Variants in IL1RAPL2 observed in about 807,000 individuals in gnomAD.
The protein encoded by IL1RAPL2 is interleukin 1 receptor accessory protein like 2.
IL1RAPL2 carries 3 observed loss-of-function variants against 44.1 expected under a neutral mutation model. That is an observed-to-expected ratio of 0.07 (90% CI 0.03 to 0.18). The LOEUF is 0.18. Among genes scored for constraint, IL1RAPL2 ranks in the 10% least tolerant of loss-of-function variants. The probability of loss-of-function intolerance (pLI) is 1.00; values close to 1 mark genes in which losing one functional copy is unlikely to be tolerated. For synonymous variants in IL1RAPL2, 181 were observed against 178.8 expected (o/e 1.01, Z -0.10); for missense variants, 391 against 496.4 (o/e 0.79, Z 2.02).
chrX:105,693,272 T>C (rs987661665), intron 6 of IL1RAPL2, among the ~76,000 whole-genome samples: 1 of 112,086 alleles, frequency 8.9e-6, no homozygotes, highest in Non-Finnish European at 1.9e-5. Flanking sequence ...AAATCTCATG[T>C]TGAAATGTGA....
intron 2 of IL1RAPL2, among the ~76,000 whole-genome samples, chrX:104,909,081 C>A (rs1252960172): frequency 9.0e-6 from 1 of 111,469 alleles, no homozygotes; most frequent in African/African-American, 3.3e-5. Flanking sequence ...CTTCTCGCTT[C>A]ATTTCATTCA....
At chrX:104,695,586 A>C (rs758761282) in intron 2 of IL1RAPL2, among the ~76,000 whole-genome samples, 47,639 of 108,722 alleles carry the variant, frequency 0.44, 8,696 homozygotes, top group South Asian at 0.64. Context: ...GAACCATAAC[A>C]TGAGTAGTAG....
At chrX:105,200,915 CCA>C (rs61216729) in intron 3 of IL1RAPL2, among the ~76,000 whole-genome samples, 57 of 104,064 alleles carry the variant, frequency 5.5e-4, no homozygotes, top group African/African-American at 1.1e-3. Flanking sequence ...CGTTTCACAC[CCA>C]CACACACACA....
At chrX:104,952,393 A>G (rs1925607264) in intron 2 of IL1RAPL2, among the ~76,000 whole-genome samples, 1 of 112,176 alleles carries the variant, frequency 8.9e-6, no homozygotes, top group Admixed American at 9.5e-5. Flanking sequence ...TTTATTGGGC[A>G]GTCTCTGTGT....
At chrX:105,130,290 G>T (rs922914827) in intron 2 of IL1RAPL2, among the ~76,000 whole-genome samples, 4 of 111,330 alleles carry the variant, frequency 3.6e-5, no homozygotes, top group African/African-American at 1.3e-4. Context: ...TCACTCAAGA[G>T]ATTTGGATTC....
chrX:105,000,668 G>T (rs1231393903), intron 2 of IL1RAPL2, among the ~76,000 whole-genome samples: 1 of 111,470 alleles, frequency 9.0e-6, no homozygotes, highest in Non-Finnish European at 1.9e-5. Flanking sequence ...AATTAGTAAA[G>T]GTTTTAAAAC....
In IL1RAPL2 at chrX:105,690,733, T is replaced by G. The variant is rs1213965176; in HGVS notation, c.773-26634T>G. Among the ~76,000 whole-genome samples, 6 of 112,189 alleles carry G rather than the reference T, an allele frequency of 5.3e-5. No individual in the cohort carries two copies. In the South Asian group the frequency reaches 1.8e-3, roughly 35 times the overall value. ...AGGAATATTCTAATTACATAAGAAT[T>G]TAACCATCTCTATAAGCGAATCCTC... On this transcript the variant is annotated intron_variant, in intron 6 of 10. Transcript: ENST00000372582.
chrX:104,690,999 CA>C (rs1931082917), intron 2 of IL1RAPL2, among the ~76,000 whole-genome samples: 1 of 111,437 alleles, frequency 9.0e-6, no homozygotes, highest in East Asian at 2.8e-4. Flanking sequence ...GGTTAATGTC[CA>C]GGGGTAGAGC....
intron 6 of IL1RAPL2, among the ~76,000 whole-genome samples, chrX:105,487,107 A>C (rs971916762): frequency 9.2e-6 from 1 of 109,209 alleles, no homozygotes; most frequent in Non-Finnish European, 1.9e-5. Context: ...AAAAAAAAAA[A>C]AAAAATAGTA....
chrX:105,681,295 C>CTTT (rs2037923241), intron 6 of IL1RAPL2, among the ~76,000 whole-genome samples: 1 of 111,212 alleles, frequency 9.0e-6, no homozygotes, highest in African/African-American at 3.3e-5. Flanking sequence ...ATCAGAAAGA[C>CTTT]CTTGCTTCTG....
At chrX:104,998,223 T>C (rs1412190593) in intron 2 of IL1RAPL2, among the ~76,000 whole-genome samples, 3 of 111,713 alleles carry the variant, frequency 2.7e-5, no homozygotes, top group Non-Finnish European at 5.6e-5. Flanking sequence ...CTAACTTATA[T>C]GGTGTTGAGA....
chrX:104,642,178 T>C (rs183947036), intron 1 of IL1RAPL2, among the ~76,000 whole-genome samples: 33 of 111,936 alleles, frequency 2.9e-4, no homozygotes, highest in African/African-American at 1.1e-3. Context: ...CTTTCTCCAC[T>C]TTTGATGTTT....
rs1307424877 is a variant in IL1RAPL2, at chrX:104,761,845, TCTTCTCCTTCTCCTTCTCCTTCTC to T, written c.82+102910_82+102933del. On this transcript the variant is annotated intron_variant, in intron 2 of 10. Transcript: ENST00000372582. The stretch of plus-strand genomic sequence containing the variant: ...TCCTTCTCCTTCTTCTCCTTCTCCT[TCTTCTCCTTCTCCTTCTCCTTCTC>T]CTTCTCCTTCTCCTTCTCCTTCTCC... 9.3e-4 allele frequency among the ~76,000 whole-genome samples: 50 copies of T among 53,905 alleles called. 1 individual carries two copies. Among genetic ancestry groups the T allele is most frequent in the African/African-American group, 2.0e-3 (28 of 13,990 alleles). 46.8% of individuals were successfully genotyped at this position (53,905 alleles called of 115,157 possible).
At chrX:104,898,010 T>C (rs2147670965) in intron 2 of IL1RAPL2, among the ~76,000 whole-genome samples, 1 of 112,356 alleles carries the variant, frequency 8.9e-6, no homozygotes, top group African/African-American at 3.2e-5. Flanking sequence ...CTGAGATGGC[T>C]GATCTTAAGT....
intron 10 of IL1RAPL2, 32 bp downstream of exon 10, chrX:105,755,379 TTC>T: frequency 9.3e-7 from 1 of 1,069,962 alleles, no homozygotes; most frequent in Non-Finnish European, 1.3e-6. Flanking sequence ...GTTTAAAACG[TTC>T]TGTTTCTTTT....
At chrX:105,237,348 G>T (rs1016392743) in intron 4 of IL1RAPL2, among the ~76,000 whole-genome samples, 1 of 111,682 alleles carries the variant, frequency 9.0e-6, no homozygotes, top group Non-Finnish European at 1.9e-5. Context: ...ATAATCCTTT[G>T]GGTATATACC....
intron 4 of IL1RAPL2, among the ~76,000 whole-genome samples, chrX:105,262,571 T>TA (rs1419075144): frequency 1.8e-5 from 2 of 111,892 alleles, no homozygotes; most frequent in Non-Finnish European, 3.8e-5. Context: ...CTGTTTTTTT[T>TA]AAATAGGTGA....
At chrX:105,166,073 A>T (rs191273455) in intron 2 of IL1RAPL2, among the ~76,000 whole-genome samples, 1 of 112,019 alleles carries the variant, frequency 8.9e-6, no homozygotes, top group African/African-American at 3.2e-5. Context: ...CTTGTCTATT[A>T]TATGGAGAAA....
chrX:104,973,063 T>C (rs1351371286), intron 2 of IL1RAPL2, among the ~76,000 whole-genome samples: 2 of 112,129 alleles, frequency 1.8e-5, no homozygotes, highest in Admixed American at 1.9e-4. Flanking sequence ...AGGTTGTAAC[T>C]GATTCTCAGA....
Sources: gnomAD v4.1 joint callset for allele counts (sites outside exome capture counted in the v4.1 genomes callset) on GRCh38, gnomAD v4.1.1 for gene constraint, MANE v1.5 for transcripts, NCBI Gene and HGNC (gene_info 2026-07-23, HGNC 2026-07-21) for gene names.